The following ZNF728 variants were observed in gnomAD, a reference collection of about 807,000 sequenced individuals.
ZNF728 encodes zinc finger protein 728.
ZNF728 carries 12 observed loss-of-function variants against 12.5 expected under a neutral mutation model. The observed-to-expected ratio is 0.96, with a 90% CI of 0.61 to 1.55. The LOEUF (loss-of-function observed/expected upper bound fraction) is 1.55. Ranked by LOEUF, ZNF728 falls within the 40% of genes most tolerant of loss-of-function variation. The probability of loss-of-function intolerance (pLI) is 0.00; values close to 1 mark genes in which losing one functional copy is unlikely to be tolerated. For missense variants in ZNF728, 692 were observed against 719.2 expected, an observed-to-expected ratio of 0.96 and a Z score of 0.43; for synonymous variants, 205 against 240.7, an observed-to-expected ratio of 0.85 and a Z score of 1.37.
intron 1 of ZNF728, chr19:22,995,266 AG>A (rs1392812626): frequency 2.6e-5 from 4 of 152,204 alleles, no homozygotes; most frequent in Non-Finnish European, 5.9e-5. Context: ...TTATATTGAA[AG>A]AAAAAAGTTA....
intron 3 of ZNF728, chr19:22,985,518 C>T (rs1968906459): frequency 6.6e-6 from 1 of 152,112 alleles, no homozygotes; most frequent in Non-Finnish European, 1.5e-5. Flanking sequence ...TGAAACTTTG[C>T]TAAAGCCCAA....
At chr19:22,991,730 G>A (rs1968990337) in intron 1 of ZNF728, among the ~76,000 whole-genome samples, 1 of 152,136 alleles carries the variant, frequency 6.6e-6, no homozygotes, top group South Asian at 2.1e-4. Flanking sequence ...AGTTCTGTGA[G>A]GCAAGACTCC....
Position 22,975,874 on chromosome 19 carries a change from G to C in ZNF728, c.1463C>G (p.Ala488Gly). The C allele has an allele frequency of 6.2e-7, 1 of 1,611,754 alleles. No individual in the cohort carries two copies. Among genetic ancestry groups the C allele is most frequent in the Non-Finnish European group, 8.5e-7 (1 of 1,179,198 alleles). Reference protein sequence around the residue: ...KLYKCEECGKAFKWSSNLMEH... With the variant: ...KLYKCEECGKGFKWSSNLMEH... The stretch of plus-strand genomic sequence containing the variant: ...CATAAGGTTTGAGGACCACTTAAAG[G>C]CTTTGCCACATTCTTCACATTTGTA... The change falls in exon 4 of 4, where the codon GCC becomes GGC. Residue 488 changes from alanine to glycine, a missense_variant. Around this residue, in one of 3 missense-constraint regions of ZNF728, gnomAD observed 244 missense variants for 235.2 expected, o/e 1.04. Coordinates refer to ENST00000594710, the MANE Select transcript of ZNF728 (RefSeq NM_001267716.2).
Position 22,975,756 on chromosome 19 carries a change from C to G in ZNF728, c.1581G>C (p.Lys527Asn), listed in dbSNP as rs768036617. Residue 527 changes from lysine to asparagine, a missense_variant, in exon 4 of 4, where the codon AAG becomes AAC. Around this residue, in one of 3 missense-constraint regions of ZNF728, gnomAD observed 244 missense variants for 235.2 expected, o/e 1.04. Coordinates refer to ENST00000594710, the MANE Select transcript of ZNF728 (RefSeq NM_001267716.2). The part of the protein sequence containing the change: ...FSKVANLTKH[K>N]VIHTGEKQYK... ...ATTGTTTCTCTCCAGTATGAATTACCTTATGTTTAGTAAGGTTTGCAACCT... is the reference window on the plus strand; with the variant it reads ...ATTGTTTCTCTCCAGTATGAATTACGTTATGTTTAGTAAGGTTTGCAACCT... The G allele has an allele frequency of 1.2e-6, 2 of 1,611,116 alleles. No individual in the cohort carries two copies. The highest frequency in any genetic ancestry group is 2.2e-5 in the East Asian group (1 of 44,734).
chr19:22,986,781 A>C (rs1031984326), intron 3 of ZNF728, among the ~76,000 whole-genome samples: 2 of 152,158 alleles, frequency 1.3e-5, no homozygotes, highest in Admixed American at 6.5e-5. Context: ...TGAATAGCCA[A>C]GGAAATCTTG....
rs779859918 is a variant in ZNF728 at position 22,976,662 on chromosome 19, C to G, written c.675G>C (p.Glu225Asp). The G allele has an allele frequency of 9.3e-6, 15 of 1,613,018 alleles. No homozygotes were observed. The highest frequency in any genetic ancestry group is 1.3e-5 in the African/African-American group (1 of 74,938). ...ALTYKRIHTG[E>D]KPCKCEECGK... ...CACATTCTTCACATTTGCAGGGTTT[C>G]TCTCCAGTATGAATTCTCTTATAAG... The change falls in exon 4 of 4, where the codon GAG becomes GAC. Residue 225 changes from glutamate to aspartate, a missense_variant. Transcript: ENST00000594710.
intron 2 of ZNF728, among the ~76,000 whole-genome samples, chr19:22,987,967 C>T (rs556004984): frequency 9.4e-4 from 143 of 152,226 alleles, no homozygotes; most frequent in African/African-American, 3.3e-3. Flanking sequence ...CTGCTCCTGC[C>T]GCCACAAGGT....
At chr19:22,995,904 T>C (rs531428695) in intron 1 of ZNF728, 1 of 152,232 alleles carries the variant, frequency 6.6e-6, no homozygotes, top group Non-Finnish European at 1.5e-5. Context: ...GCTTGCAACA[T>C]AGCTAACTGG....
intron 1 of ZNF728, among the ~76,000 whole-genome samples, chr19:22,994,228 G>A (rs534488957): frequency 6.6e-6 from 1 of 152,276 alleles, no homozygotes; most frequent in East Asian, 1.9e-4. Flanking sequence ...ATACCAAGTA[G>A]GCAGACGCAC....
At chr19:22,987,763 A>G (rs1461113563) in intron 2 of ZNF728, among the ~76,000 whole-genome samples, 2 of 152,178 alleles carry the variant, frequency 1.3e-5, no homozygotes, top group Admixed American at 6.5e-5. Context: ...TTTTTTCTCT[A>G]TGGAAAAATC....
Position 22,975,935 on chromosome 19 carries a change from T to C in ZNF728, c.1402A>G (p.Thr468Ala), listed in dbSNP as rs1400709764. 2 of 1,606,616 alleles carry C rather than the reference T, an allele frequency of 1.2e-6. No homozygotes were observed. The highest frequency in any genetic ancestry group is 1.7e-6 in the Non-Finnish European group (2 of 1,174,454). ...GKVFSWSSSL[T>A]THKAIHAGEK... is the part of the protein sequence containing the mutation. ...CCAGCATGAATTGCCTTATGTGTAG[T>C]AAGGCTTGAGGACCAGCTGAAGACT... Residue 468 changes from threonine to alanine, a missense_variant, in exon 4 of 4, where the codon ACT becomes GCT. This residue lies in a region of ZNF728 where 244 missense variants were observed against 235.2 expected (regional missense o/e 1.04). Coordinates refer to ENST00000594710, the MANE Select transcript of ZNF728 (RefSeq NM_001267716.2).
intron 3 of ZNF728, among the ~76,000 whole-genome samples, chr19:22,984,629 T>C (rs1055685456): frequency 2.1e-5 from 3 of 139,888 alleles, no homozygotes; most frequent in Middle Eastern, 3.8e-3. Flanking sequence ...TACACACACA[T>C]AGGAATTTAA....
In ZNF728 at chr19:22,976,675, A is replaced by G. The variant is rs1442317485; in HGVS notation, c.662T>C (p.Ile221Thr). The change falls in exon 4 of 4, where the codon ATT becomes ACT. Residue 221 changes from isoleucine to threonine, a missense_variant. Physicochemically the swap from Ile to Thr is moderately conservative, Grantham distance 89. Coordinates refer to ENST00000594710, the MANE Select transcript of ZNF728 (RefSeq NM_001267716.2). ...NWSSALTYKR[I>T]HTGEKPCKCE... ...TTTGCAGGGTTTCTCTCCAGTATGA[A>G]TTCTCTTATAAGTAAGGGCTGAGGA... is the stretch of plus-strand genomic sequence containing the variant. 4 of 1,613,048 alleles carry G rather than the reference A, an allele frequency of 2.5e-6. No homozygotes were observed. In the African/African-American group the frequency reaches 4.0e-5, roughly 16 times the overall value.
Position 22,976,715 on chromosome 19 carries a change from T to C in ZNF728, c.622A>G (p.Lys208Glu). 6.2e-7 allele frequency: 1 copy of C among 1,613,444 alleles called. No homozygotes were observed. The highest frequency in any genetic ancestry group is 1.7e-5 in the Admixed American group (1 of 59,942). ...ENSYKSEEHG[K>E]AFNWSSALTY... Reference sequence around the variant, plus strand: ...AGGGCTGAGGACCAGTTAAAGGCTTTGCCATGTTCTTCACTTTTGTAGGAA... The same window carrying C: ...AGGGCTGAGGACCAGTTAAAGGCTTCGCCATGTTCTTCACTTTTGTAGGAA... The change falls in exon 4 of 4, where the codon AAA becomes GAA. Residue 208 changes from lysine to glutamate, a missense_variant. By Grantham distance (56) the Lys-to-Glu change is moderately conservative. Coordinates refer to ENST00000594710, the MANE Select transcript of ZNF728 (RefSeq NM_001267716.2).
chr19:22,989,927 C>A (rs183763743), intron 1 of ZNF728, among the ~76,000 whole-genome samples: 253 of 152,186 alleles, frequency 1.7e-3, no homozygotes, highest in Middle Eastern at 6.8e-3. Context: ...TCACTAAAAA[C>A]CCCAGGTTTT....
chr19:22,982,380 G>A (rs1432149635), intron 3 of ZNF728, among the ~76,000 whole-genome samples: 12 of 152,222 alleles, frequency 7.9e-5, no homozygotes, highest in South Asian at 2.1e-4. Context: ...ACAAACAAAT[G>A]GAAGAACATT....
chr19:22,990,527 A>G (rs1469247760), intron 1 of ZNF728, among the ~76,000 whole-genome samples: 1 of 151,668 alleles, frequency 6.6e-6, no homozygotes, highest in Non-Finnish European at 1.5e-5. Context: ...TGTCCTCGGG[A>G]GCCATCCCCT....
chr19:22,984,418 G>C (rs1968892066), intron 3 of ZNF728, among the ~76,000 whole-genome samples: 1 of 151,856 alleles, frequency 6.6e-6, no homozygotes. Flanking sequence ...AACTAGCCAG[G>C]CTTGGTGGCA....
chr19:22,984,557 CAAAA>C (rs398040954), intron 3 of ZNF728, among the ~76,000 whole-genome samples: 48 of 77,022 alleles, frequency 6.2e-4, no homozygotes, highest in African/African-American at 1.4e-3. Flanking sequence ...GACTCCATCT[CAAAA>C]AAAAAAAAAA....
Sources: gnomAD v4.1 joint callset for allele counts (sites outside exome capture counted in the v4.1 genomes callset) on GRCh38, gnomAD v4.1.1 for gene constraint, gnomAD v4.1.1 regional missense constraint, MANE v1.5 for transcripts, NCBI Gene and HGNC (gene_info 2026-07-23, HGNC 2026-07-21) for gene names.